PCDHGB7: variants seen among roughly 807,000 people sequenced by gnomAD.
PCDHGB7 encodes protocadherin gamma subfamily B, 7, also known as protocadherin gamma-B7.
PCDHGB7 carries 37 observed loss-of-function variants against 61.4 expected under a neutral mutation model. The observed-to-expected ratio is 0.60, with a 90% confidence interval of 0.46 to 0.79. PCDHGB7 has a LOEUF of 0.79. Among genes scored for constraint, PCDHGB7 ranks in the 30% least tolerant of loss-of-function variants. The probability of loss-of-function intolerance (pLI) is 0.00; values close to 1 mark genes in which losing one functional copy is unlikely to be tolerated. For missense variants in PCDHGB7, 1,166 were observed against 1,202.5 expected, an observed-to-expected ratio of 0.97 and a Z score of 0.45; for synonymous variants, 464 against 503.5, an observed-to-expected ratio of 0.92 and a Z score of 1.05.
At chr5:141,450,152 A>G (rs958894990) in intron 1 of PCDHGB7, among the ~76,000 whole-genome samples, 1 of 151,132 alleles carries the variant, frequency 6.6e-6, no homozygotes, top group East Asian at 2.0e-4. Context: ...GACTACAGGC[A>G]TGTGCCACCA....
Position 141,477,071 on chromosome 5 carries a change from G to T in PCDHGB7, c.2416-17736G>T. 6.2e-7 allele frequency: 1 copy of T among 1,614,226 alleles called. No individual in the cohort carries two copies. The highest frequency in any genetic ancestry group is 8.5e-7 in the Non-Finnish European group (1 of 1,180,030). ...GGACTTCGAGGACACCAAACTCCAT[G>T]AGATTTACATCCAGGCCAAAGACAA... is the stretch of plus-strand genomic sequence containing the variant. On this transcript the variant is annotated intron_variant, in intron 1 of 3. Coordinates refer to ENST00000398594, the MANE Select transcript of PCDHGB7 (RefSeq NM_018927.4). This position sits in a 1 kb window ranked among gnomAD's most constrained non-coding sequence, Gnocchi z 4.9.
intron 1 of PCDHGB7, among the ~76,000 whole-genome samples, chr5:141,460,653 GT>G (rs2098994590): frequency 6.6e-6 from 1 of 151,844 alleles, no homozygotes; most frequent in Admixed American, 6.6e-5. Context: ...TTACACATAT[GT>G]AACTGTAAAC....
At chr5:141,452,000 A>G (rs2098730428) in intron 1 of PCDHGB7, among the ~76,000 whole-genome samples, 1 of 152,198 alleles carries the variant, frequency 6.6e-6, no homozygotes, top group Admixed American at 6.5e-5. Flanking sequence ...AAGCAAAATC[A>G]CTTGGTCCAG....
intron 1 of PCDHGB7, chr5:141,424,561 T>C (rs972361161): frequency 7.9e-5 from 12 of 152,236 alleles, no homozygotes; most frequent in African/African-American, 2.9e-4. Flanking sequence ...TCAGTGCTTC[T>C]CAAAAACCTA....
intron 1 of PCDHGB7, chr5:141,423,721 T>C (rs2096769391): frequency 8.3e-7 from 1 of 1,208,140 alleles, no homozygotes; most frequent in East Asian, 3.8e-5. Flanking sequence ...TTTAAGGAGA[T>C]GTTTTTTGAG....
At chr5:141,502,441 GAT>G (rs2099814262) in intron 2 of PCDHGB7, among the ~76,000 whole-genome samples, 1 of 152,000 alleles carries the variant, frequency 6.6e-6, no homozygotes, top group Non-Finnish European at 1.5e-5. Flanking sequence ...GTTAGATTCA[GAT>G]TACACACCTT....
intron 1 of PCDHGB7, among the ~76,000 whole-genome samples, chr5:141,474,684 T>A (rs1302389621): frequency 6.6e-6 from 1 of 152,246 alleles, no homozygotes; most frequent in Non-Finnish European, 1.5e-5. Context: ...TGCCTACCCC[T>A]TCACTTATGT....
Position 141,491,897 on chromosome 5 carries a change from C to G in PCDHGB7, c.2416-2910C>G. The stretch of plus-strand genomic sequence containing the variant: ...GATTAAGGGATGGGGCTCCGAGCAC[C>G]GGGGGTGGTGGCGACTGTGGGCGAG... On this transcript the variant is annotated intron_variant, in intron 1 of 3. Transcript: ENST00000398594. This position sits in a 1 kb window ranked among gnomAD's most constrained non-coding sequence, Gnocchi z 6.9. 7 of 1,432,534 alleles carry G rather than the reference C, an allele frequency of 4.9e-6. No homozygotes were observed. The highest frequency in any genetic ancestry group is 6.5e-6 in the Non-Finnish European group (7 of 1,082,898). 88.7% of individuals were successfully genotyped at this position (1,432,534 alleles called of 1,614,324 possible).
intron 1 of PCDHGB7, among the ~76,000 whole-genome samples, chr5:141,464,049 G>C (rs1330340459): frequency 6.6e-6 from 1 of 152,124 alleles, no homozygotes; most frequent in Admixed American, 6.5e-5. Context: ...TGGATCACCT[G>C]AGGTCAGGAG....
At chr5:141,464,604 G>A (rs1445968596) in intron 1 of PCDHGB7, among the ~76,000 whole-genome samples, 1 of 152,106 alleles carries the variant, frequency 6.6e-6, no homozygotes, top group East Asian at 1.9e-4. Context: ...AGTCTCCTTT[G>A]CAGAGTATAT....
At chr5:141,510,682 GA>G (rs1303501817) in intron 3 of PCDHGB7, among the ~76,000 whole-genome samples, 6 of 152,154 alleles carry the variant, frequency 3.9e-5, no homozygotes, top group Non-Finnish European at 8.8e-5. Flanking sequence ...GTGGCATAAG[GA>G]GGTTAGGTAG....
Position 141,432,253 on chromosome 5 carries a change from G to A in PCDHGB7, c.2415+11979G>A, listed in dbSNP as rs1193159615. ...CCCTGGCTGAGAACACCATCCAAGGGGCAAGCCTATCGTCCTACGTGTCCA... is the reference window on the plus strand; with the variant it reads ...CCCTGGCTGAGAACACCATCCAAGGAGCAAGCCTATCGTCCTACGTGTCCA... On this transcript the variant is annotated intron_variant, in intron 1 of 3. Coordinates refer to ENST00000398594, the MANE Select transcript of PCDHGB7 (RefSeq NM_018927.4). The surrounding 1 kb of genome is among the most constrained non-coding windows in gnomAD (Gnocchi z 6.0). 2.5e-6 allele frequency: 4 copies of A among 1,614,086 alleles called. No individual in the cohort carries two copies. Among genetic ancestry groups the A allele is most frequent in the Non-Finnish European group, 3.4e-6 (4 of 1,180,046 alleles).
chr5:141,478,672 A>G (rs1216792401), intron 1 of PCDHGB7: 22 of 1,551,540 alleles, frequency 1.4e-5, no homozygotes, highest in Admixed American at 2.0e-5. Flanking sequence ...CACACTTTCA[A>G]CTGGCCCTTC....
At position 141,432,963 on chromosome 5, in the gene PCDHGB7, C is replaced by T. The variant is rs1382354299; in HGVS notation, c.2415+12689C>T. 1.5e-5 allele frequency: 24 copies of T among 1,614,046 alleles called. 1 individual carries two copies. In the South Asian group the frequency reaches 2.3e-4, roughly 16 times the overall value. On this transcript the variant is annotated intron_variant, in intron 1 of 3. Transcript: ENST00000398594. The surrounding 1 kb of genome is among the most constrained non-coding windows in gnomAD (Gnocchi z 6.0). ...GCTTCAGGAGGCGGCTTGACAGGAG[C>T]GCCGGCGTCGCACTTTGTGGGCGTG...
At chr5:141,423,424 T>C in intron 1 of PCDHGB7, 1 of 1,614,004 alleles carries the variant, frequency 6.2e-7, no homozygotes, top group Non-Finnish European at 8.5e-7. Flanking sequence ...TGAAGGCGGG[T>C]TGGCAGGTAT....
At position 141,477,222 on chromosome 5, in the gene PCDHGB7, C is replaced by T; in HGVS notation, c.2416-17585C>T. Reference sequence around the variant, plus strand: ...GTACCCGAGGATGCCCCTCTGGGGACTGTCATCGCTTTGCTCAGTGTGACT... The same window carrying T: ...GTACCCGAGGATGCCCCTCTGGGGATTGTCATCGCTTTGCTCAGTGTGACT... On this transcript the variant is annotated intron_variant, in intron 1 of 3. Transcript: ENST00000398594. This position sits in a 1 kb window ranked among gnomAD's most constrained non-coding sequence, Gnocchi z 4.9. 2 of 1,614,218 alleles carry T rather than the reference C, an allele frequency of 1.2e-6. No homozygotes were observed. Among genetic ancestry groups the T allele is most frequent in the South Asian group, 1.1e-5 (1 of 91,086 alleles).
chr5:141,477,312 T>G lies in PCDHGB7; in HGVS notation c.2416-17495T>G. On this transcript the variant is annotated intron_variant, in intron 1 of 3. Coordinates refer to ENST00000398594, the MANE Select transcript of PCDHGB7 (RefSeq NM_018927.4). This position sits in a 1 kb window ranked among gnomAD's most constrained non-coding sequence, Gnocchi z 4.9. ...GTTCCACCGGGTCTCCCTTTCAGCC[T>G]TACTTCTTCCCTCAAGAATTACTTC... The G allele has an allele frequency of 1.2e-6, 2 of 1,614,162 alleles. No individual in the cohort carries two copies. The highest frequency in any genetic ancestry group is 1.7e-6 in the Non-Finnish European group (2 of 1,180,032).
At chr5:141,470,599 C>T (rs967683467) in intron 1 of PCDHGB7, among the ~76,000 whole-genome samples, 12 of 152,194 alleles carry the variant, frequency 7.9e-5, no homozygotes, top group Non-Finnish European at 1.2e-4. Context: ...GCGACCTGTG[C>T]GGGGACACAG....
At position 141,485,044 on chromosome 5, in the gene PCDHGB7, G is replaced by A; in HGVS notation, c.2416-9763G>A. 2 of 737,674 alleles carry A rather than the reference G, an allele frequency of 2.7e-6. No individual in the cohort carries two copies. The highest frequency in any genetic ancestry group is 1.8e-5 in the African/African-American group (1 of 56,792). The allele number at this position is 737,674 out of a possible 1,614,324, so 45.7% of individuals were successfully genotyped here. A position where few individuals can be genotyped will look rare whatever the true frequency, so the allele number is the denominator to read the frequency against. ...GCAAAAACGGCGCGTAACCCTTGCG[G>A]CGCCGGCCGAACCGCGCCAGAGCTG... On this transcript the variant is annotated intron_variant, in intron 1 of 3. Coordinates refer to ENST00000398594, the MANE Select transcript of PCDHGB7 (RefSeq NM_018927.4). This position sits in a 1 kb window ranked among gnomAD's most constrained non-coding sequence, Gnocchi z 5.7.
Sources: allele counts gnomAD v4.1 joint callset (sites outside exome capture counted in the v4.1 genomes callset), GRCh38; gene constraint gnomAD v4.1.1; non-coding constraint Gnocchi (gnomAD v3.1); transcripts MANE v1.5; gene names NCBI Gene and HGNC (gene_info 2026-07-23, HGNC 2026-07-21).